Variants in ATP6V1C2 observed in about 807,000 individuals in gnomAD.
The protein encoded by ATP6V1C2 is V-type proton ATPase subunit C 2.
In ATP6V1C2, 45 loss-of-function variants were observed where a neutral mutation model predicts 56.8. The ratio of observed to expected loss-of-function variants is 0.79; its 90% CI spans 0.62 to 1.02. The LOEUF (loss-of-function observed/expected upper bound fraction) is 1.02. ATP6V1C2 is among the 50% of genes least tolerant of loss of function. The pLI is 0.00. For missense variants in ATP6V1C2, 463 were observed against 519.7 expected (o/e 0.89, Z 1.06); for synonymous variants, 220 against 201.3 (o/e 1.09, Z -0.79).
chr2:10,768,814 T>C lies in ATP6V1C2; in HGVS notation c.470+4T>C. On this transcript the variant is annotated splice_donor_region_variant and intron_variant, in intron 6 of 13. Transcript: ENST00000272238. ...AGAACCTGGAAAAGAAATCCATGTGTGTATTTGCCAGCCTCCACATCTGGC... is the reference window on the plus strand; with the variant it reads ...AGAACCTGGAAAAGAAATCCATGTGCGTATTTGCCAGCCTCCACATCTGGC... The C allele has an allele frequency of 6.2e-7, 1 of 1,613,268 alleles. No homozygotes were observed. Among genetic ancestry groups the C allele is most frequent in the Non-Finnish European group, 8.5e-7 (1 of 1,179,654 alleles).
At chr2:10,773,848 T>TCCCAGG (rs898086060) in intron 8 of ATP6V1C2, among the ~76,000 whole-genome samples, 12 of 152,304 alleles carry the variant, frequency 7.9e-5, no homozygotes, top group African/African-American at 2.9e-4. Flanking sequence ...GACGGGGATC[T>TCCCAGG]CCCAGGGCTA....
chr2:10,749,482 A>G (rs1663096360), intron 3 of ATP6V1C2, among the ~76,000 whole-genome samples: 1 of 152,234 alleles, frequency 6.6e-6, no homozygotes, highest in African/African-American at 2.4e-5. Flanking sequence ...ATGCAAATCA[A>G]AGCAACAACG....
At chr2:10,766,330 C>A (rs1472857346) in intron 5 of ATP6V1C2, among the ~76,000 whole-genome samples, 2 of 152,192 alleles carry the variant, frequency 1.3e-5, no homozygotes, top group Non-Finnish European at 2.9e-5. Flanking sequence ...AATCTATCAA[C>A]TAGAGACATT....
At chr2:10,754,333 C>G (rs1663396311) in intron 4 of ATP6V1C2, among the ~76,000 whole-genome samples, 2 of 152,266 alleles carry the variant, frequency 1.3e-5, no homozygotes, top group African/African-American at 2.4e-5. Flanking sequence ...TCAAGCGATT[C>G]TCCTGTCTCA....
chr2:10,726,501 G>T lies in ATP6V1C2; in HGVS notation c.130-1G>T. 2 of 1,613,794 alleles carry T rather than the reference G, an allele frequency of 1.2e-6. No individual in the cohort carries two copies. Among genetic ancestry groups the T allele is most frequent in the Non-Finnish European group, 1.7e-6 (2 of 1,179,690 alleles). On this transcript the variant is annotated splice_acceptor_variant, in intron 2 of 13. Transcript: ENST00000272238. LOFTEE classifies it high-confidence loss of function. ...CTCTGACGTTTTTATGATCTGTCTA[G>T]GTGGGGACCTTGGATTCCCTGGTTG... is the stretch of plus-strand genomic sequence containing the variant.
chr2:10,748,712 G>C (rs1299315321), intron 3 of ATP6V1C2, among the ~76,000 whole-genome samples: 1 of 152,128 alleles, frequency 6.6e-6, no homozygotes, highest in Non-Finnish European at 1.5e-5. Context: ...GAGAAGTGTA[G>C]ATTTATGATC....
intron 3 of ATP6V1C2, among the ~76,000 whole-genome samples, chr2:10,743,013 G>A (rs1315401814): frequency 1.3e-5 from 2 of 152,168 alleles, no homozygotes; most frequent in African/African-American, 4.8e-5. Flanking sequence ...TTCTTCCCTT[G>A]GGGATTCCCC....
At chr2:10,778,104 C>T (rs1665116039) in intron 11 of ATP6V1C2, among the ~76,000 whole-genome samples, 1 of 152,174 alleles carries the variant, frequency 6.6e-6, no homozygotes, top group Non-Finnish European at 1.5e-5. Flanking sequence ...GGCTCTTGCT[C>T]CAAGACTCTT....
At chr2:10,776,148 G>A (rs943428311) in intron 10 of ATP6V1C2, among the ~76,000 whole-genome samples, 14 of 152,188 alleles carry the variant, frequency 9.2e-5, no homozygotes, top group African/African-American at 3.4e-4. Context: ...TGGGGTTCTC[G>A]GAGCCCCTCT....
intron 3 of ATP6V1C2, among the ~76,000 whole-genome samples, chr2:10,737,453 A>G (rs529619329): frequency 5.9e-5 from 9 of 151,692 alleles, no homozygotes; most frequent in African/African-American, 2.2e-4. Flanking sequence ...AAGAAAATGA[A>G]TTAGGTGCTA....
chr2:10,757,779 G>A (rs548766211), intron 4 of ATP6V1C2, among the ~76,000 whole-genome samples: 6 of 152,252 alleles, frequency 3.9e-5, no homozygotes, highest in African/African-American at 1.4e-4. Context: ...ATCCTGACAC[G>A]ATGTCCCGAC....
chr2:10,737,437 AAAAG>A (rs1662316400), intron 3 of ATP6V1C2, among the ~76,000 whole-genome samples: 1 of 151,816 alleles, frequency 6.6e-6, no homozygotes, highest in Admixed American at 6.6e-5. Flanking sequence ...AAAAAAAGGA[AAAAG>A]AAAGAAAATG....
At chr2:10,752,468 C>T (rs533497742) in intron 3 of ATP6V1C2, among the ~76,000 whole-genome samples, 49 of 152,188 alleles carry the variant, frequency 3.2e-4, no homozygotes, top group South Asian at 1.2e-3. Context: ...CTCCTGAGGG[C>T]GGGGAGAATG....
intron 6 of ATP6V1C2, 78 bp from the exon 7 acceptor site, chr2:10,771,761 C>T (rs970860780): frequency 2.3e-5 from 26 of 1,121,878 alleles, no homozygotes; most frequent in South Asian, 1.3e-4. Flanking sequence ...CCCCAGTGCC[C>T]GGGTGTGGGT....
intron 3 of ATP6V1C2, among the ~76,000 whole-genome samples, chr2:10,730,692 G>T (rs1304963412): frequency 8.3e-6 from 1 of 120,904 alleles, no homozygotes; most frequent in Non-Finnish European, 1.6e-5. Flanking sequence ...CACTCATGTT[G>T]CCCAGGCTGG....
intron 6 of ATP6V1C2, among the ~76,000 whole-genome samples, chr2:10,769,479 G>A (rs1012378079): frequency 1.1e-4 from 16 of 152,200 alleles, no homozygotes; most frequent in African/African-American, 2.6e-4. Context: ...TGAGGCGGGC[G>A]GATTACGTGA....
chr2:10,749,168 C>T (rs61663496), intron 3 of ATP6V1C2, among the ~76,000 whole-genome samples: 2,450 of 141,722 alleles, frequency 0.017, 66 homozygotes, highest in African/African-American at 0.06. Context: ...GTCTTCAAAA[C>T]ACCTAAAAAA....
At chr2:10,767,880 G>A (rs879496653) in intron 5 of ATP6V1C2, 12 of 151,046 alleles carry the variant, frequency 7.9e-5, no homozygotes, top group Non-Finnish European at 1.6e-4. Context: ...TGTGATCATC[G>A]CCCCCATTCC....
rs112728396 is a variant in ATP6V1C2, at chr2:10,784,921, C to T, written c.*1658C>T. ...GGACTGCTGCCCGCACAGCTTCCCT[C>T]CCGGGCACTCACCTCGCCATCCCTG... On this transcript the variant is annotated 3_prime_UTR_variant, in exon 14 of 14. Transcript: ENST00000272238. The T allele has an allele frequency of 6.5e-7, 1 of 1,549,422 alleles. No individual in the cohort carries two copies. Among genetic ancestry groups the T allele is most frequent in the Non-Finnish European group, 8.8e-7 (1 of 1,137,014 alleles).
Sources: allele counts gnomAD v4.1 joint callset (sites outside exome capture counted in the v4.1 genomes callset), GRCh38; gene constraint gnomAD v4.1.1; transcripts MANE v1.5; gene names NCBI Gene and HGNC (gene_info 2026-07-23, HGNC 2026-07-21).